The following STIM2 variants were observed in gnomAD, a reference collection of about 807,000 sequenced individuals.
STIM2 encodes stromal interaction molecule 2.
A neutral mutation model predicts 85.8 loss-of-function variants in STIM2; 31 were observed. The ratio of observed to expected loss-of-function variants is 0.36; its 90% CI spans 0.27 to 0.49. The LOEUF (loss-of-function observed/expected upper bound fraction) is 0.49. STIM2 is among the 20% of genes least tolerant of loss of function. STIM2 has a pLI of 0.98. For missense variants in STIM2, 841 were observed against 927.6 expected, an observed-to-expected ratio of 0.91 and a Z score of 1.21; for synonymous variants, 356 against 331.1, an observed-to-expected ratio of 1.08 and a Z score of -0.82.
intron 3 of STIM2, among the ~76,000 whole-genome samples, chr4:26,989,220 C>T (rs1020582693): frequency 6.6e-6 from 1 of 152,168 alleles, no homozygotes; most frequent in African/African-American, 2.4e-5. Flanking sequence ...CAGACATGAG[C>T]CACCACACAC....
chr4:27,009,857 G>A (rs1461289735), intron 10 of STIM2, among the ~76,000 whole-genome samples: 2 of 152,126 alleles, frequency 1.3e-5, no homozygotes, highest in Non-Finnish European at 2.9e-5. Flanking sequence ...ATAAGTACAC[G>A]CTTTTGTTTG....
chr4:26,998,911 C>CAAA lies in STIM2; in HGVS notation c.510-312_510-310dup, dbSNP rs11374270. Reference sequence around the variant, plus strand: ...TGGGTGACAGAATGAGACTCTGTCTCAAAAAAAAAAATTTTTTTTTCAACT... The same window carrying CAAA: ...TGGGTGACAGAATGAGACTCTGTCTCAAAAAAAAAAAAAATTTTTTTTTCAACT... On this transcript the variant is annotated intron_variant, in intron 4 of 11. Coordinates refer to ENST00000467087, the MANE Select transcript of STIM2 (RefSeq NM_020860.4). Among the ~76,000 whole-genome samples the CAAA allele has an allele frequency of 1.7e-4, 25 of 147,328 alleles. 1 individual carries two copies. Among genetic ancestry groups the CAAA allele is most frequent in the East Asian group, 6.1e-4 (3 of 4,948 alleles).
At chr4:26,970,891 C>G (rs973966203) in intron 3 of STIM2, among the ~76,000 whole-genome samples, 2 of 152,168 alleles carry the variant, frequency 1.3e-5, no homozygotes, top group African/African-American at 4.8e-5. Context: ...TCTCCACATC[C>G]TCTCCAGCAT....
At chr4:26,981,803 C>T (rs188627843) in intron 3 of STIM2, among the ~76,000 whole-genome samples, 1 of 152,274 alleles carries the variant, frequency 6.6e-6, no homozygotes. Context: ...GCATTTTGGG[C>T]TGGACTATCA....
chr4:26,953,648 C>T (rs1486875568), intron 2 of STIM2, among the ~76,000 whole-genome samples: 1 of 151,942 alleles, frequency 6.6e-6, no homozygotes, highest in Non-Finnish European at 1.5e-5. Context: ...ACAGGCCTCC[C>T]GAGGAACTAA....
At chr4:26,965,285 C>T (rs1233543728) in intron 3 of STIM2, among the ~76,000 whole-genome samples, 1 of 152,120 alleles carries the variant, frequency 6.6e-6, no homozygotes, top group Admixed American at 6.6e-5. Context: ...GAATAGGTGA[C>T]ACCAGTATGT....
At chr4:26,941,446 A>G (rs867989084) in intron 2 of STIM2, among the ~76,000 whole-genome samples, 1 of 152,064 alleles carries the variant, frequency 6.6e-6, no homozygotes, top group Non-Finnish European at 1.5e-5. Context: ...CCTGTCCAAC[A>G]TTAGTTACAG....
At chr4:26,956,980 A>G (rs1484251295) in intron 2 of STIM2, among the ~76,000 whole-genome samples, 3 of 152,092 alleles carry the variant, frequency 2.0e-5, no homozygotes, top group Non-Finnish European at 2.9e-5. Context: ...CTTTCTCTGT[A>G]TGGACAGATA....
chr4:26,882,398 CTTGTAA>C (rs1723045092), intron 1 of STIM2, among the ~76,000 whole-genome samples: 2 of 152,072 alleles, frequency 1.3e-5, no homozygotes, highest in African/African-American at 4.8e-5. Context: ...GCAATGCCCC[CTTGTAA>C]TTCTGGTTTT....
chr4:26,896,165 A>G (rs1026742953), intron 1 of STIM2, among the ~76,000 whole-genome samples: 3 of 152,236 alleles, frequency 2.0e-5, no homozygotes, highest in African/African-American at 7.2e-5. Flanking sequence ...GTTGCCTGAT[A>G]CATGACTCCA....
chr4:26,974,941 T>C (rs1727124065), intron 3 of STIM2, among the ~76,000 whole-genome samples: 2 of 152,208 alleles, frequency 1.3e-5, no homozygotes, highest in South Asian at 2.1e-4. Context: ...CGTTTCTTTT[T>C]ACTCTTTTTT....
intron 8 of STIM2, 112 bp downstream of exon 8, chr4:27,007,812 C>A (rs905769627): frequency 1.7e-6 from 2 of 1,201,230 alleles, no homozygotes; most frequent in Middle Eastern, 2.6e-4. Context: ...ATTACAGATT[C>A]TTTTTTCAAA....
chr4:26,977,023 C>T (rs534999074), intron 3 of STIM2, among the ~76,000 whole-genome samples: 1 of 152,214 alleles, frequency 6.6e-6, no homozygotes, highest in Middle Eastern at 3.4e-3. Flanking sequence ...AGCAGGGTAA[C>T]AGTATAGTTA....
intron 11 of STIM2, chr4:27,021,148 C>A: frequency 7.5e-7 from 1 of 1,326,898 alleles, no homozygotes; most frequent in South Asian, 1.3e-5. Context: ...TTCATTCATC[C>A]AACACATTTT....
At chr4:26,902,682 A>G (rs1425309449) in intron 1 of STIM2, among the ~76,000 whole-genome samples, 1 of 152,188 alleles carries the variant, frequency 6.6e-6, no homozygotes, top group Non-Finnish European at 1.5e-5. Context: ...TTCTGCAGGC[A>G]GGAAGAATGC....
chr4:26,895,652 T>A (rs985046971), intron 1 of STIM2, among the ~76,000 whole-genome samples: 2 of 152,196 alleles, frequency 1.3e-5, no homozygotes, highest in Non-Finnish European at 2.9e-5. Flanking sequence ...GCACTGTCAT[T>A]TATGAGAGCA....
chr4:26,886,297 C>T (rs1452922766), intron 1 of STIM2, among the ~76,000 whole-genome samples: 1 of 152,116 alleles, frequency 6.6e-6, no homozygotes, highest in Non-Finnish European at 1.5e-5. Flanking sequence ...ACTCATTGAA[C>T]ACTTACAGAT....
At chr4:26,907,047 G>T (rs1301867472) in intron 1 of STIM2, among the ~76,000 whole-genome samples, 3 of 152,098 alleles carry the variant, frequency 2.0e-5, no homozygotes, top group African/African-American at 7.2e-5. Flanking sequence ...TGAGTCTCAG[G>T]CATTTGGGAT....
chr4:26,894,656 C>G (rs1034872117), intron 1 of STIM2, among the ~76,000 whole-genome samples: 1 of 151,822 alleles, frequency 6.6e-6, no homozygotes, highest in African/African-American at 2.4e-5. Flanking sequence ...TTTCACTGAT[C>G]TATTTTTCTG....
Sources: allele counts gnomAD v4.1 joint callset (sites outside exome capture counted in the v4.1 genomes callset), GRCh38; gene constraint gnomAD v4.1.1; transcripts MANE v1.5; gene names NCBI Gene and HGNC (gene_info 2026-07-23, HGNC 2026-07-21).